Variants in DGKB observed in about 807,000 individuals in gnomAD.
The protein encoded by DGKB is diacylglycerol kinase beta.
DGKB carries 67 observed loss-of-function variants against 114.3 expected under a neutral mutation model. The observed-to-expected ratio is 0.59, with a 90% CI of 0.48 to 0.72. The LOEUF is 0.72. Among genes scored for constraint, DGKB ranks in the 30% least tolerant of loss-of-function variants. The pLI is 0.00. For synonymous variants in DGKB, 398 were observed against 323.1 expected (o/e 1.23, Z -2.49); for missense variants, 907 against 975.2 (o/e 0.93, Z 0.93).
intron 23 of DGKB, among the ~76,000 whole-genome samples, chr7:14,239,062 T>C (rs1302589778): frequency 6.6e-6 from 1 of 152,012 alleles, no homozygotes; most frequent in Admixed American, 6.6e-5. Context: ...TGCTGTTTGT[T>C]TCCTCTCATT....
chr7:14,780,670 T>C (rs931137451), intron 2 of DGKB, among the ~76,000 whole-genome samples: 12 of 152,206 alleles, frequency 7.9e-5, no homozygotes, highest in African/African-American at 2.9e-4. Context: ...TCTTTATTCT[T>C]ACTGAGGTGC....
At chr7:14,886,222 A>T (rs982039873) in intron 1 of DGKB, among the ~76,000 whole-genome samples, 9 of 151,924 alleles carry the variant, frequency 5.9e-5, no homozygotes, top group African/African-American at 2.2e-4. Context: ...TCAATTAGCC[A>T]ATATGGAAGC....
chr7:14,537,744 T>A (rs1792747334), intron 20 of DGKB, among the ~76,000 whole-genome samples: 1 of 152,126 alleles, frequency 6.6e-6, no homozygotes, highest in African/African-American at 2.4e-5. Context: ...AATGATTACT[T>A]CGATGTGGCA....
intron 21 of DGKB, among the ~76,000 whole-genome samples, chr7:14,364,068 A>G (rs1385296783): frequency 6.6e-6 from 1 of 152,072 alleles, no homozygotes; most frequent in East Asian, 1.9e-4. Flanking sequence ...TTATTGACTC[A>G]GTACAATACA....
intron 2 of DGKB, among the ~76,000 whole-genome samples, chr7:14,772,060 T>G (rs1837504490): frequency 6.6e-6 from 1 of 152,108 alleles, no homozygotes; most frequent in Admixed American, 6.6e-5. Flanking sequence ...GCCCCCGGCT[T>G]TGAGCTGTCC....
At chr7:14,791,333 G>A (rs1840636958) in intron 2 of DGKB, among the ~76,000 whole-genome samples, 1 of 152,088 alleles carries the variant, frequency 6.6e-6, no homozygotes, top group African/African-American at 2.4e-5. Flanking sequence ...GAGATTGCTG[G>A]AGGTTTTCAA....
chr7:14,396,704 T>G (rs1378768796), intron 21 of DGKB, among the ~76,000 whole-genome samples: 1 of 152,176 alleles, frequency 6.6e-6, no homozygotes, highest in Non-Finnish European at 1.5e-5. Context: ...CAGTATGTTT[T>G]AAAGTGCTCT....
intron 21 of DGKB, among the ~76,000 whole-genome samples, chr7:14,358,151 TG>T (rs2128622975): frequency 6.6e-6 from 1 of 152,334 alleles, no homozygotes; most frequent in South Asian, 2.1e-4. Flanking sequence ...CTTGCTAGTT[TG>T]GGGAACTTCT....
chr7:14,945,413 T>A (rs1212368096), intron 1 of DGKB, among the ~76,000 whole-genome samples: 2 of 151,790 alleles, frequency 1.3e-5, no homozygotes. Context: ...TGTGTTTCAT[T>A]TGTAAAAATG....
At chr7:14,421,457 T>C (rs1826682588) in intron 21 of DGKB, among the ~76,000 whole-genome samples, 3 of 152,140 alleles carry the variant, frequency 2.0e-5, no homozygotes. Flanking sequence ...AACTAATATG[T>C]AATAAATGAG....
intron 1 of DGKB, among the ~76,000 whole-genome samples, chr7:14,858,173 A>G (rs1325382220): frequency 1.3e-5 from 2 of 152,152 alleles, no homozygotes; most frequent in Non-Finnish European, 2.9e-5. Context: ...ATACCCTGGA[A>G]CCAATTTTAG....
intron 1 of DGKB, among the ~76,000 whole-genome samples, chr7:14,853,387 T>A (rs1849664926): frequency 6.6e-6 from 1 of 151,902 alleles, no homozygotes; most frequent in African/African-American, 2.4e-5. Flanking sequence ...ACATTTACAA[T>A]ATCATTTTCT....
At chr7:14,255,215 A>T (rs933325797) in intron 23 of DGKB, among the ~76,000 whole-genome samples, 3 of 152,206 alleles carry the variant, frequency 2.0e-5, no homozygotes, top group Non-Finnish European at 4.4e-5. Context: ...TTGAAAGAAG[A>T]TGTAAACTTG....
At chr7:14,915,302 C>T (rs1439872954) in intron 1 of DGKB, among the ~76,000 whole-genome samples, 1 of 152,096 alleles carries the variant, frequency 6.6e-6, no homozygotes, top group Admixed American at 6.6e-5. Flanking sequence ...CACTTGAGCC[C>T]AGGAATTCGA....
At chr7:14,601,977 C>T (rs1030115918) in intron 17 of DGKB, among the ~76,000 whole-genome samples, 4 of 151,972 alleles carry the variant, frequency 2.6e-5, no homozygotes, top group Admixed American at 1.3e-4. Flanking sequence ...TCTTCCTCCT[C>T]CTCTTTCTCC....
intron 1 of DGKB, among the ~76,000 whole-genome samples, chr7:14,858,777 A>G (rs1850546916): frequency 6.6e-6 from 1 of 152,202 alleles, no homozygotes; most frequent in Non-Finnish European, 1.5e-5. Flanking sequence ...GACAAAGTAA[A>G]TCATCAAGGC....
At chr7:14,958,058 A>G (rs563185592) in intron 1 of DGKB, among the ~76,000 whole-genome samples, 21 of 152,190 alleles carry the variant, frequency 1.4e-4, no homozygotes, top group African/African-American at 4.8e-4. Flanking sequence ...TACAATTTAA[A>G]TGCATTAATT....
At chr7:14,289,253 C>T (rs1801362223) in intron 23 of DGKB, among the ~76,000 whole-genome samples, 1 of 149,590 alleles carries the variant, frequency 6.7e-6, no homozygotes, top group Non-Finnish European at 1.5e-5. Context: ...AATATTTCTC[C>T]AGGGTGTGAA....
chr7:14,600,725 C>G (rs1332794228), intron 17 of DGKB, among the ~76,000 whole-genome samples: 1 of 152,184 alleles, frequency 6.6e-6, no homozygotes, highest in Non-Finnish European at 1.5e-5. Context: ...AACATTAACT[C>G]TTGAAGCTGG....
Sources: allele counts gnomAD v4.1 joint callset (sites outside exome capture counted in the v4.1 genomes callset), GRCh38; gene constraint gnomAD v4.1.1; transcripts MANE v1.5; gene names NCBI Gene and HGNC (gene_info 2026-07-23, HGNC 2026-07-21).